Variants in PHACTR4 observed in about 807,000 individuals in gnomAD.
PHACTR4 encodes phosphatase and actin regulator 4.
Under a neutral mutation model 72.7 loss-of-function variants are expected in PHACTR4, and 51 were observed. That is an observed-to-expected ratio of 0.70 (90% CI 0.56 to 0.89). PHACTR4 has a LOEUF of 0.89. Ranked by LOEUF, PHACTR4 falls within the 40% of genes least tolerant of loss-of-function variation. The pLI is 0.00. For synonymous variants in PHACTR4, 255 were observed against 302.5 expected, an observed-to-expected ratio of 0.84 and a Z score of 1.63; for missense variants, 731 against 861.8, an observed-to-expected ratio of 0.85 and a Z score of 1.90.
At chr1:28,432,144 G>A (rs1656308956) in intron 2 of PHACTR4, among the ~76,000 whole-genome samples, 1 of 152,168 alleles carries the variant, frequency 6.6e-6, no homozygotes, top group African/African-American at 2.4e-5. Flanking sequence ...AGGAGGTGGA[G>A]GTTGCAGTGA....
chr1:28,466,720 C>T lies in PHACTR4; in HGVS notation c.775C>T (p.Pro259Ser), dbSNP rs1659196602. ...LTHMVPAKQP[P>S]IPPPKPAHRN... Reference sequence around the variant, plus strand: ...TCATATGGTCCCTGCCAAGCAGCCCCCTATCCCTCCCCCTAAACCAGCTCA... The same window carrying T: ...TCATATGGTCCCTGCCAAGCAGCCCTCTATCCCTCCCCCTAAACCAGCTCA... Residue 259 changes from proline (P) to serine (S), a missense_variant, in exon 6 of 14, where the codon CCT (proline) becomes TCT (serine). Physicochemically the swap from Pro to Ser is moderately conservative, Grantham distance 74 (BLOSUM62 -1). Around this residue, in one of 2 missense-constraint regions of PHACTR4, gnomAD observed 621 missense variants for 676.6 expected, o/e 0.92. Coordinates refer to ENST00000373839, the MANE Select transcript of PHACTR4 (RefSeq NM_001048183.3). The T allele has an allele frequency of 2.5e-6, 4 of 1,613,796 alleles. No individual in the cohort carries two copies. In the Admixed American group the frequency reaches 6.7e-5, roughly 27 times the overall value.
At chr1:28,457,377 C>T (rs1273930946) in intron 2 of PHACTR4, 3 of 421,370 alleles carry the variant, frequency 7.1e-6, no homozygotes, top group Admixed American at 5.3e-5. Flanking sequence ...GGGAGGATCT[C>T]TTGAGACCAG....
intron 2 of PHACTR4, among the ~76,000 whole-genome samples, chr1:28,450,728 C>A (rs1051450542): frequency 1.3e-5 from 2 of 151,846 alleles, no homozygotes; most frequent in South Asian, 4.2e-4. Context: ...TAAGCAGTTC[C>A]CTCGCCTTAG....
intron 2 of PHACTR4, among the ~76,000 whole-genome samples, chr1:28,454,234 C>G (rs925953652): frequency 1.4e-5 from 2 of 141,318 alleles, no homozygotes; most frequent in Admixed American, 7.2e-5. Context: ...GTATATAAAG[C>G]AAAAATTAAT....
chr1:28,491,832 C>T, intron 12 of PHACTR4, 45 bp downstream of exon 12: 1 of 1,590,128 alleles, frequency 6.3e-7, no homozygotes, highest in African/African-American at 1.4e-5. Flanking sequence ...TTCTCTTTTT[C>T]TCTTTATTTG....
intron 1 of PHACTR4, among the ~76,000 whole-genome samples, chr1:28,381,318 AG>A: frequency 1.5e-5 from 1 of 68,024 alleles, no homozygotes; most frequent in South Asian, 4.0e-4. Flanking sequence ...TTTTTTTTTG[AG>A]ACGGAGTCTT....
chr1:28,484,881 G>A (rs1240673873), intron 9 of PHACTR4, among the ~76,000 whole-genome samples: 3 of 151,850 alleles, frequency 2.0e-5, no homozygotes, highest in Admixed American at 6.6e-5. Context: ...CAGGAGAATC[G>A]CTTGAACCCA....
At chr1:28,458,785 T>C (rs1658590284) in intron 2 of PHACTR4, among the ~76,000 whole-genome samples, 2 of 152,210 alleles carry the variant, frequency 1.3e-5, no homozygotes. Flanking sequence ...TGTTAAGATA[T>C]CCACATTTTG....
chr1:28,379,725 G>T (rs1651990585), intron 1 of PHACTR4, among the ~76,000 whole-genome samples: 1 of 151,722 alleles, frequency 6.6e-6, no homozygotes, highest in Admixed American at 6.6e-5. Flanking sequence ...GAGTAGCTGG[G>T]ACTACAGGCG....
intron 1 of PHACTR4, among the ~76,000 whole-genome samples, chr1:28,404,063 G>A (rs1310378204): frequency 3.9e-5 from 6 of 151,992 alleles, no homozygotes; most frequent in East Asian, 1.9e-4. Context: ...TTTGGGGGAC[G>A]TTTGTTTTTG....
At chr1:28,408,703 TCTCA>T (rs1654551474) in intron 2 of PHACTR4, among the ~76,000 whole-genome samples, 1 of 151,914 alleles carries the variant, frequency 6.6e-6, no homozygotes, top group African/African-American at 2.4e-5. Context: ...TGAGATAGTG[TCTCA>T]CTCTGTCGCC....
At chr1:28,456,010 A>G (rs1465719555) in intron 2 of PHACTR4, among the ~76,000 whole-genome samples, 3 of 152,078 alleles carry the variant, frequency 2.0e-5, no homozygotes, top group Non-Finnish European at 2.9e-5. Flanking sequence ...TTTTTTTTAT[A>G]CATATTTTGC....
intron 2 of PHACTR4, among the ~76,000 whole-genome samples, chr1:28,415,820 G>A (rs1655070936): frequency 6.6e-6 from 1 of 152,160 alleles, no homozygotes; most frequent in Non-Finnish European, 1.5e-5. Flanking sequence ...CTTTTGATTA[G>A]AATTTGTATC....
At chr1:28,469,993 C>T (rs1277589053) in intron 6 of PHACTR4, among the ~76,000 whole-genome samples, 1 of 151,260 alleles carries the variant, frequency 6.6e-6, no homozygotes, top group Non-Finnish European at 1.5e-5. Context: ...CGGGAAGTGG[C>T]GGTTGCAGTG....
At chr1:28,450,959 T>A (rs1657911464) in intron 2 of PHACTR4, among the ~76,000 whole-genome samples, 1 of 147,138 alleles carries the variant, frequency 6.8e-6, no homozygotes, top group Admixed American at 6.8e-5. Flanking sequence ...TACAGGCATG[T>A]ACCACCACAC....
intron 1 of PHACTR4, among the ~76,000 whole-genome samples, chr1:28,387,314 G>A (rs894751349): frequency 2.7e-5 from 4 of 150,700 alleles, no homozygotes; most frequent in African/African-American, 4.9e-5. Context: ...CCCTCCTCCA[G>A]TGAGTGACAA....
chr1:28,428,120 G>C (rs1655990840), intron 2 of PHACTR4, among the ~76,000 whole-genome samples: 1 of 152,328 alleles, frequency 6.6e-6, no homozygotes, highest in Non-Finnish European at 1.5e-5. Context: ...GCAATGATTT[G>C]AATCAGTTGT....
At chr1:28,397,087 G>A (rs1344804357) in intron 1 of PHACTR4, among the ~76,000 whole-genome samples, 1 of 152,034 alleles carries the variant, frequency 6.6e-6, no homozygotes, top group East Asian at 1.9e-4. Flanking sequence ...TATCTTGATG[G>A]TGTTTTTAGA....
At position 28,459,153 on chromosome 1, in the gene PHACTR4, C is replaced by A; in HGVS notation, c.85C>A (p.Pro29Thr). The change falls in exon 3 of 14, where the codon CCT becomes ACT. Residue 29 changes from proline to threonine, a missense_variant. Coordinates refer to ENST00000373839, the MANE Select transcript of PHACTR4 (RefSeq NM_001048183.3). The part of the protein sequence containing the change: ...LDSVEAGDTT[P>T]PTKRKSKFSG... Reference sequence around the variant, plus strand: ...CAGTGTGGAAGCAGGAGACACAACACCTCCTACCAAAAGGAAGAGCAAGTT... The same window carrying A: ...CAGTGTGGAAGCAGGAGACACAACAACTCCTACCAAAAGGAAGAGCAAGTT... 6.2e-7 allele frequency: 1 copy of A among 1,613,900 alleles called. No homozygotes were observed. Among genetic ancestry groups the A allele is most frequent in the East Asian group, 2.2e-5 (1 of 44,884 alleles).
Sources: gnomAD v4.1 joint callset for allele counts (sites outside exome capture counted in the v4.1 genomes callset) on GRCh38, gnomAD v4.1.1 for gene constraint, gnomAD v4.1.1 regional missense constraint, MANE v1.5 for transcripts, NCBI Gene and HGNC (gene_info 2026-07-23, HGNC 2026-07-21) for gene names.